MYH9: variants seen among roughly 807,000 people sequenced by gnomAD.
The protein encoded by MYH9 is myosin heavy chain 9.
In MYH9, 29 loss-of-function variants were observed where a neutral mutation model predicts 241.9. The ratio of observed to expected loss-of-function variants is 0.12; its 90% CI spans 0.09 to 0.16. The LOEUF (loss-of-function observed/expected upper bound fraction) is 0.16. Among genes scored for constraint, MYH9 ranks in the 10% least tolerant of loss-of-function variants. MYH9 has a pLI of 1.00. For missense variants in MYH9, 1,803 were observed against 2,595.5 expected, an observed-to-expected ratio of 0.69 and a Z score of 6.63; for synonymous variants, 1,047 against 1,062.6, an observed-to-expected ratio of 0.99 and a Z score of 0.29.
chr22:36,366,294 C>T (rs969947376), intron 1 of MYH9, among the ~76,000 whole-genome samples: 10 of 152,016 alleles, frequency 6.6e-5, no homozygotes, highest in African/African-American at 1.9e-4. Flanking sequence ...GACTTATCTA[C>T]GCTAGGAAGG....
intron 21 of MYH9, 100 bp downstream of exon 21, chr22:36,301,434 T>A: frequency 6.6e-7 from 1 of 1,511,596 alleles, no homozygotes; most frequent in South Asian, 1.1e-5. Context: ...AAAACTCCTA[T>A]AGTAATAGAA....
chr22:36,323,785 T>C (rs1446744182), intron 5 of MYH9, among the ~76,000 whole-genome samples: 1 of 152,140 alleles, frequency 6.6e-6, no homozygotes, highest in Non-Finnish European at 1.5e-5. Context: ...GCCTTCCGCT[T>C]GTGAACCATC....
intron 2 of MYH9, among the ~76,000 whole-genome samples, chr22:36,342,298 G>C (rs2017602502): frequency 1.3e-5 from 2 of 152,138 alleles, no homozygotes; most frequent in South Asian, 4.1e-4. Flanking sequence ...ATCTCAGCAA[G>C]GGTAAGGTTC....
chr22:36,293,095 T>C lies in MYH9; in HGVS notation c.4095+234A>G, dbSNP rs2016732503. Among the ~76,000 whole-genome samples, 2 of 152,218 alleles carry C rather than the reference T, an allele frequency of 1.3e-5. No homozygotes were observed. The highest frequency in any genetic ancestry group is 6.5e-5 in the Admixed American group (1 of 15,290). ...GCAATGCTGAATTTCAGCTAAAGAC[T>C]GGTGAAAATAAAGGTGTAAAATAGT... On this transcript the variant is annotated intron_variant, in intron 30 of 40. Coordinates refer to ENST00000216181, the MANE Select transcript of MYH9 (RefSeq NM_002473.6). The surrounding 1 kb of genome is among the most constrained non-coding windows in gnomAD (Gnocchi z 5.1).
chr22:36,288,741 G>T lies in MYH9; in HGVS notation c.4756C>A (p.Gln1586Lys), dbSNP rs1408685006. The change falls in exon 33 of 41, where the codon CAG becomes AAG. Residue 1586 changes from glutamine to lysine, a missense_variant. This residue lies in a region of MYH9 where 876 missense variants were observed against 1,077.8 expected (regional missense o/e 0.81). Transcript: ENST00000216181. The surrounding 1 kb of genome is among the most constrained non-coding windows in gnomAD (Gnocchi z 4.8). Reference protein sequence around the residue: ...RDEQSEEKKKQLVRQVREMEA... With the variant: ...RDEQSEEKKKKLVRQVREMEA... ...GCCATGCACACCTGTCTGACCAGCTGCTTCTTCTTCTCCTCGCTCTGCTCG... is the reference window on the plus strand; with the variant it reads ...GCCATGCACACCTGTCTGACCAGCTTCTTCTTCTTCTCCTCGCTCTGCTCG... 1 of 1,604,314 alleles carries T rather than the reference G, an allele frequency of 6.2e-7. No homozygotes were observed. Among genetic ancestry groups the T allele is most frequent in the Non-Finnish European group, 8.5e-7 (1 of 1,179,962 alleles).
At position 36,282,073 on chromosome 22, in the gene MYH9, TC is replaced by T; in HGVS notation, c.*594del. On this transcript the variant is annotated 3_prime_UTR_variant, in exon 41 of 41. Coordinates refer to ENST00000216181, the MANE Select transcript of MYH9 (RefSeq NM_002473.6). ...GACAGGGTGGGGAGGAATCCACTCC[TC>T]CCCCCACCCCAGCCTTCTGTGCCCT... 4.2e-6 allele frequency: 1 copy of T among 236,546 alleles called. No individual in the cohort carries two copies. Among genetic ancestry groups the T allele is most frequent in the Non-Finnish European group, 8.4e-6 (1 of 119,460 alleles). The allele number at this position is 236,546 out of a possible 1,614,324, so 14.7% of individuals were successfully genotyped here.
At position 36,303,093 on chromosome 22, in the gene MYH9, C is replaced by G. The variant is rs528113983; in HGVS notation, c.2391-417G>C. 2.6e-5 allele frequency among the ~76,000 whole-genome samples: 4 copies of G among 152,262 alleles called. 1 individual carries two copies. The East Asian group carries it at 5.8e-4, about 22-fold the overall frequency. ...GAGCTTTTGTTTGGTGGGAGAACGT[C>G]AGAAGCTGATGTACTGTGAAGGTGG... On this transcript the variant is annotated intron_variant, in intron 19 of 40. Transcript: ENST00000216181.
intron 3 of MYH9, among the ~76,000 whole-genome samples, chr22:36,333,720 G>A (rs755973733): frequency 5.3e-5 from 8 of 152,150 alleles, no homozygotes; most frequent in Non-Finnish European, 1.2e-4. Context: ...AATCAGGTAT[G>A]TAAAAGAAAG....
chr22:36,329,353 CAGAA>C lies in MYH9; in HGVS notation c.491-1869_491-1866del, dbSNP rs2017386507. On this transcript the variant is annotated intron_variant, in intron 3 of 40. Transcript: ENST00000216181. This position sits in a 1 kb window ranked among gnomAD's most constrained non-coding sequence, Gnocchi z 4.1. ...ATCCTCGACTAGACAGACGGGAAGA[CAGAA>C]GGGAGGGAGGCGGCAGGAACCACAG... 6.6e-6 allele frequency among the ~76,000 whole-genome samples: 1 copy of C among 152,212 alleles called. No homozygotes were observed. The highest frequency in any genetic ancestry group is 1.5e-5 in the Non-Finnish European group (1 of 68,042).
rs531022888 is a variant in MYH9, at chr22:36,293,715, T to G, written c.3942+44A>C. The G allele has an allele frequency of 6.4e-6, 10 of 1,563,806 alleles. No individual in the cohort carries two copies. The South Asian group carries it at 1.0e-4, about 16-fold the overall frequency. On this transcript the variant is annotated intron_variant, in intron 29 of 40. Coordinates refer to ENST00000216181, the MANE Select transcript of MYH9 (RefSeq NM_002473.6). This position sits in a 1 kb window ranked among gnomAD's most constrained non-coding sequence, Gnocchi z 5.1. The stretch of plus-strand genomic sequence containing the variant: ...CTAATGTTGCGTGGACACAGAGGCC[T>G]TTCTGGAGGGGTCCACCTTCTGGGA...
intron 11 of MYH9, among the ~76,000 whole-genome samples, chr22:36,317,306 C>CT (rs528701935): frequency 5.1e-4 from 74 of 145,734 alleles, no homozygotes; most frequent in Middle Eastern, 3.6e-3. Context: ...AAGTTTAATT[C>CT]TTTTTTTTTT....
intron 19 of MYH9, among the ~76,000 whole-genome samples, chr22:36,302,879 T>C (rs972197929): frequency 6.6e-6 from 1 of 152,182 alleles, no homozygotes; most frequent in African/African-American, 2.4e-5. Flanking sequence ...GCACTAATCT[T>C]ACAGTCGGTG....
intron 14 of MYH9, among the ~76,000 whole-genome samples, chr22:36,311,639 A>G (rs1288109911): frequency 6.6e-6 from 1 of 152,188 alleles, no homozygotes; most frequent in Non-Finnish European, 1.5e-5. Flanking sequence ...GTGGGTGGTC[A>G]TTCTCATTTT....
chr22:36,335,514 G>A (rs775345271), intron 3 of MYH9, among the ~76,000 whole-genome samples: 2 of 152,214 alleles, frequency 1.3e-5, no homozygotes, highest in Admixed American at 6.5e-5. Context: ...CCGGTGAGTC[G>A]ATTCAAACAG....
chr22:36,338,374 T>A (rs562453613), intron 3 of MYH9, among the ~76,000 whole-genome samples: 2 of 152,222 alleles, frequency 1.3e-5, no homozygotes, highest in East Asian at 3.9e-4. Flanking sequence ...GCAAGTCCAA[T>A]GCTAGCAGAA....
chr22:36,308,700 G>A, intron 15 of MYH9: 1 of 540,140 alleles, frequency 1.9e-6, no homozygotes, highest in Non-Finnish European at 2.2e-6. Flanking sequence ...TAAGCAGGCA[G>A]GAAAAGCCAA....
Position 36,295,086 on chromosome 22 carries a change from G to A in MYH9, c.3486-10C>T. ...CTGCTCACGTTTTGACCTGGACAGA[G>A]AAATCCCCTCAGAGTGGAGGCCGGG... On this transcript the variant is annotated splice_polypyrimidine_tract_variant and intron_variant, in intron 26 of 40. Coordinates refer to ENST00000216181, the MANE Select transcript of MYH9 (RefSeq NM_002473.6). This position sits in a 1 kb window ranked among gnomAD's most constrained non-coding sequence, Gnocchi z 4.1. 1 of 1,614,158 alleles carries A rather than the reference G, an allele frequency of 6.2e-7. No homozygotes were observed. Among genetic ancestry groups the A allele is most frequent in the South Asian group, 1.1e-5 (1 of 91,078 alleles).
At position 36,293,950 on chromosome 22, in the gene MYH9, T is replaced by A; in HGVS notation, c.3838-87A>T. The stretch of plus-strand genomic sequence containing the variant: ...CATCTCCTTTAGGTAAAGCTGGACC[T>A]GAGTCACAAGCTGAACCATGAGGGT... On this transcript the variant is annotated intron_variant, in intron 28 of 40. Transcript: ENST00000216181. The surrounding 1 kb of genome is among the most constrained non-coding windows in gnomAD (Gnocchi z 5.1). 2 of 1,466,462 alleles carry A rather than the reference T, an allele frequency of 1.4e-6. No homozygotes were observed. Among genetic ancestry groups the A allele is most frequent in the South Asian group, 1.2e-5 (1 of 85,656 alleles). 90.8% of individuals were successfully genotyped at this position (1,466,462 alleles called of 1,614,324 possible).
At chr22:36,332,661 TAAAAA>T (rs67602880) in intron 3 of MYH9, among the ~76,000 whole-genome samples, 3 of 44,476 alleles carry the variant, frequency 6.7e-5, no homozygotes, top group African/African-American at 9.9e-5. Flanking sequence ...TCTGGATAAT[TAAAAA>T]AAAAAAAAAA....
Sources: allele counts gnomAD v4.1 joint callset (sites outside exome capture counted in the v4.1 genomes callset), GRCh38; gene constraint gnomAD v4.1.1; regional missense constraint gnomAD v4.1.1; non-coding constraint Gnocchi (gnomAD v3.1); transcripts MANE v1.5; gene names NCBI Gene and HGNC (gene_info 2026-07-23, HGNC 2026-07-21).